ATMIN: variants seen among roughly 807,000 people sequenced by gnomAD.
ATMIN encodes ATM INteracting protein.
Under a neutral mutation model 49.2 loss-of-function variants are expected in ATMIN, and 24 were observed. That is an observed-to-expected ratio of 0.49 (90% confidence interval 0.35 to 0.69). ATMIN has a LOEUF of 0.69. Ranked by LOEUF, ATMIN falls within the 30% of genes least tolerant of loss-of-function variation. ATMIN has a pLI of 0.00. For missense variants in ATMIN, 1,037 were observed against 1,005.5 expected (o/e 1.03, Z -0.42); for synonymous variants, 450 against 392.5 (o/e 1.15, Z -1.73).
At chr16:81,037,935 C>T (rs1026668991) in intron 1 of ATMIN, among the ~76,000 whole-genome samples, 1 of 152,042 alleles carries the variant, frequency 6.6e-6, no homozygotes, top group Non-Finnish European at 1.5e-5. Flanking sequence ...CCACCGCGAC[C>T]GACCTAAATC....
chr16:81,040,036 T>A lies in ATMIN; in HGVS notation c.337-1320T>A, dbSNP rs1319819453. On this transcript the variant is annotated intron_variant, in intron 1 of 3. Transcript: ENST00000299575. Reference sequence around the variant, plus strand: ...TTCTTACAATCGTTTCTTTTCACCCTCTACTCTTCAACTGTGTCTTACTTT... The same window carrying A: ...TTCTTACAATCGTTTCTTTTCACCCACTACTCTTCAACTGTGTCTTACTTT... Among the ~76,000 whole-genome samples, 3 of 152,326 alleles carry A rather than the reference T, an allele frequency of 2.0e-5. No homozygotes were observed. In the East Asian group the frequency reaches 5.8e-4, roughly 29 times the overall value.
chr16:81,039,949 G>A (rs770660723), intron 1 of ATMIN, among the ~76,000 whole-genome samples: 13 of 152,112 alleles, frequency 8.5e-5, no homozygotes, highest in Admixed American at 6.6e-5. Flanking sequence ...ATGCTTTCTC[G>A]GAAGGCAGTC....
Position 81,044,236 on chromosome 16 carries a change from A to T in ATMIN, c.1738A>T (p.Met580Leu), listed in dbSNP as rs1055534497. 2 of 1,614,178 alleles carry T rather than the reference A, an allele frequency of 1.2e-6. No homozygotes were observed. ...AQNSMLPSQN[M>L]TDNQTQTIDL... is the part of the protein sequence containing the mutation. The stretch of plus-strand genomic sequence containing the variant: ...GAATAGTATGCTTCCTTCACAGAAC[A>T]TGACAGATAATCAGACCCAAACCAT... The change falls in exon 4 of 4, where the codon ATG (methionine) becomes TTG (leucine). Residue 580 changes from methionine (M) to leucine (L), a missense_variant. By Grantham distance (15) the Met-to-Leu change is conservative. Transcript: ENST00000299575.
chr16:81,041,899 G>C (rs1971042765), intron 2 of ATMIN, among the ~76,000 whole-genome samples: 1 of 152,164 alleles, frequency 6.6e-6, no homozygotes, highest in Non-Finnish European at 1.5e-5. Context: ...CCAGTGACTG[G>C]GACAAGAGGT....
Position 81,044,937 on chromosome 16 carries a change from T to C in ATMIN, c.2439T>C (p.Thr813=). 1.1e-5 allele frequency: 17 copies of C among 1,613,902 alleles called. No individual in the cohort carries two copies. The highest frequency in any genetic ancestry group is 1.4e-5 in the Non-Finnish European group (17 of 1,179,802). Residue 813 remains threonine, a synonymous_variant, in exon 4 of 4, where the codon ACT becomes ACC. Transcript: ENST00000299575. The stretch of plus-strand genomic sequence containing the variant: ...AGTTCAGCTCTGTAGAAACCCAGAC[T>C]TCTGCGGAACCACACACAGTCTCCA... ...ESQFSSVETQ[T]SAEPHTVSNF is the part of the protein sequence containing the mutation.
chr16:81,043,406 T>C lies in ATMIN; in HGVS notation c.908T>C (p.Leu303Ser). ...CTTTTACCAAAGCCCAAAGTGGCTT[T>C]GGTTAAACTACCCGTGATGCAGTTT... is the stretch of plus-strand genomic sequence containing the variant. Reference protein sequence around the residue: ...KLLLPKPKVALVKLPVMQFSV... With the variant: ...KLLLPKPKVASVKLPVMQFSV... Residue 303 changes from leucine to serine, a missense_variant, in exon 4 of 4, where the codon TTG (leucine) becomes TCG (serine). By Grantham distance (145) the Leu-to-Ser change is moderately radical. Transcript: ENST00000299575. 2 of 1,613,782 alleles carry C rather than the reference T, an allele frequency of 1.2e-6. No individual in the cohort carries two copies. Among genetic ancestry groups the C allele is most frequent in the South Asian group, 1.1e-5 (1 of 91,066 alleles).
Position 81,044,738 on chromosome 16 carries a change from C to G in ATMIN, c.2240C>G (p.Thr747Ser). 3 of 1,614,214 alleles carry G rather than the reference C, an allele frequency of 1.9e-6. No individual in the cohort carries two copies. Among genetic ancestry groups the G allele is most frequent in the Non-Finnish European group, 2.5e-6 (3 of 1,180,040 alleles). Residue 747 changes from threonine (T) to serine (S), a missense_variant, in exon 4 of 4, where the codon ACT becomes AGT. Thr to Ser is a moderately conservative substitution (Grantham distance 58). Coordinates refer to ENST00000299575, the MANE Select transcript of ATMIN (RefSeq NM_015251.3). ...GAGACCCAAACTGAAGGAGTCTCCA[C>G]TGCTAAAAATATACCTGCTCTAGAA... ...DTETQTEGVS[T>S]AKNIPALESK...
At chr16:81,039,123 C>T (rs1005382275) in intron 1 of ATMIN, among the ~76,000 whole-genome samples, 2 of 152,094 alleles carry the variant, frequency 1.3e-5, no homozygotes, top group African/African-American at 4.8e-5. Context: ...TACCTGTTTT[C>T]AAAGTACTGG....
chr16:81,043,612 G>T lies in ATMIN; in HGVS notation c.1114G>T (p.Ala372Ser), dbSNP rs201714859. Residue 372 changes from alanine (A) to serine (S), a missense_variant, in exon 4 of 4, where the codon GCT (alanine) becomes TCT (serine). By Grantham distance (99) the Ala-to-Ser change is moderately conservative. Coordinates refer to ENST00000299575, the MANE Select transcript of ATMIN (RefSeq NM_015251.3). ...GGAGAGCCTACCTCTTTTCAAAATT[G>T]CTAATCCTATTGCTGGTGAGCCAAT... ...LKESLPLFKIANPIAGEPIST... is the reference protein window; with the variant it reads ...LKESLPLFKISNPIAGEPIST... The T allele has an allele frequency of 6.2e-7, 1 of 1,614,148 alleles. No homozygotes were observed. The highest frequency in any genetic ancestry group is 1.3e-5 in the African/African-American group (1 of 75,040).
rs763472583 is a variant in ATMIN at position 81,041,386 on chromosome 16, G to T, written c.367G>T (p.Asp123Tyr). 7 of 1,613,496 alleles carry T rather than the reference G, an allele frequency of 4.3e-6. No individual in the cohort carries two copies. Among genetic ancestry groups the T allele is most frequent in the Middle Eastern group, 1.6e-4 (1 of 6,082 alleles). Residue 123 changes from aspartate to tyrosine, a missense_variant, in exon 2 of 4, where the codon GAT becomes TAT. Transcript: ENST00000299575. ...DGIVNPTIRKDLKTGPKFYCC... is the reference protein window; with the variant it reads ...DGIVNPTIRKYLKTGPKFYCC... ...CATAGTCAATCCAACAATAAGAAAA[G>T]ATTTGAAAACTGGACCGAAATTCTA...
At chr16:81,040,851 A>T (rs572996086) in intron 1 of ATMIN, 1 of 156,118 alleles carries the variant, frequency 6.4e-6, no homozygotes, top group South Asian at 1.9e-4. Context: ...GATTGAGGCT[A>T]ATGACAAAAT....
At chr16:81,036,261 C>CCCGGCG (rs571263269) in intron 1 of ATMIN, 55 bp downstream of exon 1, 48,155 of 1,188,706 alleles carry the variant, frequency 0.041, 1,183 homozygotes, top group Non-Finnish European at 0.046. Context: ...CAACAAAGCG[C>CCCGGCG]CCGGCGCCGG....
At position 81,039,642 on chromosome 16, in the gene ATMIN, AG is replaced by A. The variant is rs374567566; in HGVS notation, c.337-1713del. Among the ~76,000 whole-genome samples, 270 of 152,350 alleles carry A rather than the reference AG, an allele frequency of 1.8e-3. 2 individuals carry two copies. The highest frequency in any genetic ancestry group is 6.3e-3 in the African/African-American group (261 of 41,584). On this transcript the variant is annotated intron_variant, in intron 1 of 3. Coordinates refer to ENST00000299575, the MANE Select transcript of ATMIN (RefSeq NM_015251.3). Reference sequence around the variant, plus strand: ...AAGCCATGAGGATTCAGGGGCAGGAAGAGCAGAAGTAAATGTACATTTTTTT... The same window carrying A: ...AAGCCATGAGGATTCAGGGGCAGGAAAGCAGAAGTAAATGTACATTTTTTT...
In ATMIN at chr16:81,044,638, A is replaced by T. The variant is rs148736718; in HGVS notation, c.2140A>T (p.Ser714Cys). 6.8e-6 allele frequency: 11 copies of T among 1,614,244 alleles called. No homozygotes were observed. The East Asian group carries it at 1.3e-4, about 20-fold the overall frequency. The change falls in exon 4 of 4, where the codon AGT (serine) becomes TGT (cysteine). Residue 714 changes from serine (S) to cysteine (C), a missense_variant. Coordinates refer to ENST00000299575, the MANE Select transcript of ATMIN (RefSeq NM_015251.3). ...GACAGACTTAAACTTTTTCTTAGAC[A>T]GTAGCCCTCATCTGCCTCTGGGAAG... ...TQTDLNFFLDSSPHLPLGSIL... is the reference protein window; with the variant it reads ...TQTDLNFFLDCSPHLPLGSIL...
intron 1 of ATMIN, among the ~76,000 whole-genome samples, chr16:81,040,272 T>C (rs1971016162): frequency 6.6e-6 from 1 of 151,872 alleles, no homozygotes; most frequent in Admixed American, 6.6e-5. Flanking sequence ...ATCCTACCCT[T>C]GAGCTTATTC....
chr16:81,044,281 G>C lies in ATMIN; in HGVS notation c.1783G>C (p.Glu595Gln). 6.2e-7 allele frequency: 1 copy of C among 1,614,052 alleles called. No individual in the cohort carries two copies. The highest frequency in any genetic ancestry group is 1.1e-5 in the South Asian group (1 of 91,068). The change falls in exon 4 of 4, where the codon GAA (glutamate) becomes CAA (glutamine). Residue 595 changes from glutamate (E) to glutamine (Q), a missense_variant. Glu to Gln is a conservative substitution (Grantham distance 29, BLOSUM62 2). Coordinates refer to ENST00000299575, the MANE Select transcript of ATMIN (RefSeq NM_015251.3). ...AACCATAGATTTATTAAGTGATTTG[G>C]AAAACATCTTGTCAAGTAATCTGCC... ...TQTIDLLSDL[E>Q]NILSSNLPAQ...
At chr16:81,042,568 G>A (rs991452892) in intron 3 of ATMIN, 88 bp downstream of exon 3, 29 of 1,335,366 alleles carry the variant, frequency 2.2e-5, no homozygotes, top group Middle Eastern at 1.8e-4. Context: ...GGTGTGGGGA[G>A]GAAAAAGGAA....
intron 1 of ATMIN, among the ~76,000 whole-genome samples, chr16:81,039,370 T>C (rs900864466): frequency 8.5e-5 from 13 of 152,184 alleles, no homozygotes; most frequent in Non-Finnish European, 1.6e-4. Flanking sequence ...CTAGTTGCTG[T>C]TGGTTCTTAT....
Position 81,043,547 on chromosome 16 carries a change from C to T in ATMIN, c.1049C>T (p.Thr350Ile). 5.0e-6 allele frequency: 8 copies of T among 1,614,042 alleles called. No homozygotes were observed. The highest frequency in any genetic ancestry group is 6.8e-6 in the Non-Finnish European group (8 of 1,180,026). ...CACTTAATGCCCTTGTCAGTAGGAA[C>T]CCTGATCCTCGGCCTAGATTCAGAG... Reference protein sequence around the residue: ...AVHLMPLSVGTLILGLDSEAC... With the variant: ...AVHLMPLSVGILILGLDSEAC... Residue 350 changes from threonine (T) to isoleucine (I), a missense_variant, in exon 4 of 4, where the codon ACC becomes ATC. Transcript: ENST00000299575.
Sources: gnomAD v4.1 joint callset for allele counts (sites outside exome capture counted in the v4.1 genomes callset) on GRCh38, gnomAD v4.1.1 for gene constraint, MANE v1.5 for transcripts, NCBI Gene and HGNC (gene_info 2026-07-23, HGNC 2026-07-21) for gene names.